The following GNAI1 variants were observed in gnomAD, a reference collection of about 807,000 sequenced individuals.
GNAI1 encodes G protein subunit alpha i1.
Under a neutral mutation model 38.9 loss-of-function variants are expected in GNAI1, and 11 were observed. The ratio of observed to expected loss-of-function variants is 0.28; its 90% CI spans 0.18 to 0.47. The LOEUF (loss-of-function observed/expected upper bound fraction) is 0.47, where lower values mean the gene tolerates loss of function less well. Ranked by LOEUF, GNAI1 falls within the 20% of genes least tolerant of loss-of-function variation. The probability of loss-of-function intolerance (pLI) is 0.99; values close to 1 mark genes in which losing one functional copy is unlikely to be tolerated. For synonymous variants in GNAI1, 166 were observed against 145.1 expected, an observed-to-expected ratio of 1.14 and a Z score of -1.04; for missense variants, 317 against 436.9, an observed-to-expected ratio of 0.73 and a Z score of 2.45.
chr7:80,138,654 ATTATT>A (rs1787469572), intron 1 of GNAI1, among the ~76,000 whole-genome samples: 3 of 152,302 alleles, frequency 2.0e-5, no homozygotes, highest in Middle Eastern at 6.8e-3. Context: ...CTTATGAAAT[ATTATT>A]TTATTATGTA....
At chr7:80,143,407 T>G (rs1787561373) in intron 1 of GNAI1, among the ~76,000 whole-genome samples, 1 of 152,176 alleles carries the variant, frequency 6.6e-6, no homozygotes, top group Non-Finnish European at 1.5e-5. Context: ...GTCAGTTGTT[T>G]TCATGTATTT....
chr7:80,151,922 C>A (rs1445665567), intron 1 of GNAI1, among the ~76,000 whole-genome samples: 1 of 152,180 alleles, frequency 6.6e-6, no homozygotes, highest in Non-Finnish European at 1.5e-5. Flanking sequence ...ATCTGAATTT[C>A]AAGTTCAGAG....
At chr7:80,145,887 T>C (rs1272915215) in intron 1 of GNAI1, among the ~76,000 whole-genome samples, 2 of 152,172 alleles carry the variant, frequency 1.3e-5, no homozygotes, top group African/African-American at 4.8e-5. Context: ...TACTTGGTTT[T>C]TCCCAGGCAG....
At chr7:80,210,526 AGGG>A (rs1018000555) in intron 5 of GNAI1, among the ~76,000 whole-genome samples, 2 of 152,108 alleles carry the variant, frequency 1.3e-5, no homozygotes, top group Non-Finnish European at 2.9e-5. Flanking sequence ...TAGTAGGAGG[AGGG>A]GTCTCTGTTC....
At chr7:80,214,663 T>G (rs1402308078) in intron 7 of GNAI1, among the ~76,000 whole-genome samples, 1 of 152,214 alleles carries the variant, frequency 6.6e-6, no homozygotes, top group Admixed American at 6.5e-5. Flanking sequence ...TTGATTCAGT[T>G]GCTTCTTGCT....
At chr7:80,211,338 A>G (rs1252226021) in intron 6 of GNAI1, among the ~76,000 whole-genome samples, 1 of 152,198 alleles carries the variant, frequency 6.6e-6, no homozygotes, top group Non-Finnish European at 1.5e-5. Context: ...ATCTAATATC[A>G]ACATAGCACA....
rs550857959 is a variant in GNAI1 at position 80,183,973 on chromosome 7, G to C, written c.119-4978G>C. The stretch of plus-strand genomic sequence containing the variant: ...TGAGTTCTCTCTCCGGTGTTAATGT[G>C]ATGGTGCTCCTTTGTCCTCAGCACA... On this transcript the variant is annotated intron_variant, in intron 1 of 7. Transcript: ENST00000649796. Among the ~76,000 whole-genome samples the C allele has an allele frequency of 6.2e-4, 94 of 152,204 alleles. 1 individual carries two copies. The highest frequency in any genetic ancestry group is 3.4e-3 in the Middle Eastern group (1 of 294).
chr7:80,163,393 C>T (rs577622151), intron 1 of GNAI1, among the ~76,000 whole-genome samples: 40 of 152,260 alleles, frequency 2.6e-4, no homozygotes, highest in Non-Finnish European at 4.3e-4. Flanking sequence ...CTCTACATGT[C>T]CTCTTAATAA....
At chr7:80,164,452 T>C (rs1173910437) in intron 1 of GNAI1, among the ~76,000 whole-genome samples, 2 of 151,684 alleles carry the variant, frequency 1.3e-5, no homozygotes, top group African/African-American at 2.4e-5. Context: ...AAGCTCCGCC[T>C]CCTGGGTTAT....
chr7:80,198,703 T>G (rs1479882375), intron 3 of GNAI1, among the ~76,000 whole-genome samples: 1 of 152,130 alleles, frequency 6.6e-6, no homozygotes, highest in Admixed American at 6.6e-5. Flanking sequence ...TTACATGAAA[T>G]TAGTCTTCTG....
chr7:80,164,627 T>C (rs778312946), intron 1 of GNAI1, among the ~76,000 whole-genome samples: 1 of 152,134 alleles, frequency 6.6e-6, no homozygotes, highest in African/African-American at 2.4e-5. Flanking sequence ...CTCCCCACTT[T>C]CTTTTTGAGT....
chr7:80,135,244 GA>G lies in GNAI1; in HGVS notation c.86del (p.Lys29ArgfsTer22). On this transcript the variant is annotated frameshift_variant, in exon 1 of 8. Coordinates refer to ENST00000649796, the MANE Select transcript of GNAI1 (RefSeq NM_002069.6). LOFTEE classifies it high-confidence loss of function. ...ACCGCAACCTCCGTGAGGACGGCGA[GA>G]AGGCGGCGCGCGAGGTCAAGCTGCT... is the stretch of plus-strand genomic sequence containing the variant. ...IDRNLREDGE[K>X]AAREVKLLLL... The G allele has an allele frequency of 6.5e-7, 1 of 1,536,726 alleles. No individual in the cohort carries two copies. The highest frequency in any genetic ancestry group is 8.8e-7 in the Non-Finnish European group (1 of 1,141,766).
rs1789007556 is a variant in GNAI1, at chr7:80,218,218, A to G, written c.*725A>G. 6.6e-6 allele frequency: 1 copy of G among 152,124 alleles called. No individual in the cohort carries two copies. The highest frequency in any genetic ancestry group is 6.6e-5 in the Admixed American group (1 of 15,256). 9.4% of individuals were successfully genotyped at this position (152,124 alleles called of 1,614,324 possible). A position where few individuals can be genotyped will look rare whatever the true frequency, so the allele number is the denominator to read the frequency against. On this transcript the variant is annotated 3_prime_UTR_variant, in exon 8 of 8. Coordinates refer to ENST00000649796, the MANE Select transcript of GNAI1 (RefSeq NM_002069.6). Reference sequence around the variant, plus strand: ...AATTTTACATTAGATTCCACGTTAGATTTGGTTTGAAAAACTAAAATTTCA... The same window carrying G: ...AATTTTACATTAGATTCCACGTTAGGTTTGGTTTGAAAAACTAAAATTTCA...
At chr7:80,196,831 C>CT (rs1264990532) in intron 3 of GNAI1, among the ~76,000 whole-genome samples, 13 of 151,836 alleles carry the variant, frequency 8.6e-5, no homozygotes, top group Non-Finnish European at 1.5e-4. Context: ...AGCTTTACAA[C>CT]TTGATGTTAT....
Position 80,203,706 on chromosome 7 carries a change from A to G in GNAI1, c.464A>G (p.Tyr155Cys). 2.5e-6 allele frequency: 4 copies of G among 1,573,374 alleles called. No homozygotes were observed. Among genetic ancestry groups the G allele is most frequent in the East Asian group, 2.3e-5 (1 of 43,848 alleles). The change falls in exon 5 of 8, where the codon TAT (tyrosine) becomes TGT (cysteine). Residue 155 changes from tyrosine (Y) to cysteine (C), a missense_variant and splice_region_variant. Tyr to Cys is a radical substitution (Grantham distance 194). Transcript: ENST00000649796. ...TTGTTTTGTTTAATTTTTTTCAGCTATTTGAATGACTTGGACAGAATAGCT... is the reference window on the plus strand; with the variant it reads ...TTGTTTTGTTTAATTTTTTTCAGCTGTTTGAATGACTTGGACAGAATAGCT... ...EYQLNDSAAY[Y>C]LNDLDRIAQP...
intron 1 of GNAI1, among the ~76,000 whole-genome samples, chr7:80,136,594 A>C (rs1222931177): frequency 6.6e-6 from 1 of 152,308 alleles, no homozygotes; most frequent in Admixed American, 6.5e-5. Context: ...AATCTTTCTC[A>C]GTTAATGTTG....
intron 4 of GNAI1, among the ~76,000 whole-genome samples, chr7:80,202,932 T>G (rs1291261417): frequency 6.6e-6 from 1 of 152,194 alleles, no homozygotes; most frequent in African/African-American, 2.4e-5. Flanking sequence ...TATTCATGTT[T>G]CTGTTTAGAC....
intron 7 of GNAI1, among the ~76,000 whole-genome samples, chr7:80,216,696 T>C (rs1359889317): frequency 2.0e-5 from 3 of 152,140 alleles, no homozygotes; most frequent in Non-Finnish European, 2.9e-5. Context: ...TCTTTAGATA[T>C]TGCCAAACAA....
chr7:80,178,412 G>C (rs1239848737), intron 1 of GNAI1, among the ~76,000 whole-genome samples: 2 of 152,136 alleles, frequency 1.3e-5, no homozygotes, highest in Non-Finnish European at 2.9e-5. Context: ...ACATGCTGCA[G>C]AAAAATCTTT....
Sources: allele counts gnomAD v4.1 joint callset (sites outside exome capture counted in the v4.1 genomes callset), GRCh38; gene constraint gnomAD v4.1.1; transcripts MANE v1.5; gene names NCBI Gene and HGNC (gene_info 2026-07-23, HGNC 2026-07-21).